ADAMTS3: variants seen among roughly 807,000 people sequenced by gnomAD.
ADAMTS3 encodes ADAM metallopeptidase with thrombospondin type 1 motif 3.
ADAMTS3 carries 73 observed loss-of-function variants against 129.0 expected under a neutral mutation model. The ratio of observed to expected loss-of-function variants is 0.57; its 90% CI spans 0.47 to 0.69. The LOEUF (loss-of-function observed/expected upper bound fraction) is 0.69, where lower values mean the gene tolerates loss of function less well. ADAMTS3 is among the 30% of genes least tolerant of loss of function. The probability of loss-of-function intolerance (pLI) is 0.00; values close to 1 mark genes in which losing one functional copy is unlikely to be tolerated. For missense variants in ADAMTS3, 1,457 were observed against 1,514.5 expected (o/e 0.96, Z 0.63); for synonymous variants, 477 against 510.8 (o/e 0.93, Z 0.89).
intron 3 of ADAMTS3, among the ~76,000 whole-genome samples, chr4:72,526,690 A>C (rs1342365605): frequency 6.9e-6 from 1 of 144,216 alleles, no homozygotes; most frequent in Non-Finnish European, 1.5e-5. Context: ...ATATCTTTGT[A>C]TACACTACAC....
chr4:72,534,427 C>A (rs1482550006), intron 3 of ADAMTS3, among the ~76,000 whole-genome samples: 1 of 151,938 alleles, frequency 6.6e-6, no homozygotes, highest in African/African-American at 2.4e-5. Context: ...TCTTAAGGGA[C>A]CAGTGGAAGC....
rs201628279 is a variant in ADAMTS3, at chr4:72,323,102, C to G, written c.862-5G>C. On this transcript the variant is annotated splice_region_variant and splice_polypyrimidine_tract_variant and intron_variant, in intron 5 of 21. Coordinates refer to ENST00000286657, the MANE Select transcript of ADAMTS3 (RefSeq NM_014243.3). ...ATCATGGTAAATTTCATTCACCTAGCAACAAAAAAAGATAATTGCTAAAAG... is the reference window on the plus strand; with the variant it reads ...ATCATGGTAAATTTCATTCACCTAGGAACAAAAAAAGATAATTGCTAAAAG... The G allele has an allele frequency of 1.9e-6, 3 of 1,608,714 alleles. No individual in the cohort carries two copies. The highest frequency in any genetic ancestry group is 2.6e-6 in the Non-Finnish European group (3 of 1,176,096).
At chr4:72,562,676 AT>A (rs1411923450) in intron 2 of ADAMTS3, among the ~76,000 whole-genome samples, 1 of 152,180 alleles carries the variant, frequency 6.6e-6, no homozygotes, top group Non-Finnish European at 1.5e-5. Context: ...ATTTTCAAAA[AT>A]CTTAAGAATC....
intron 3 of ADAMTS3, among the ~76,000 whole-genome samples, chr4:72,494,402 C>T (rs760288270): frequency 5.3e-5 from 8 of 152,064 alleles, no homozygotes; most frequent in Non-Finnish European, 1.2e-4. Flanking sequence ...TTCTTCAGCT[C>T]CAGAATTTCT....
rs369674241 is a variant in ADAMTS3, at chr4:72,290,837, C to T, written c.2931+18G>A. 1.6e-4 allele frequency: 256 copies of T among 1,611,430 alleles called. No individual in the cohort carries two copies. Among genetic ancestry groups the T allele is most frequent in the South Asian group, 2.3e-4 (21 of 91,004 alleles). ...CACACACACTTTACTTATGCATGCACGGAATTCACACACCTACCTCACTCC... is the reference window on the plus strand; with the variant it reads ...CACACACACTTTACTTATGCATGCATGGAATTCACACACCTACCTCACTCC... On this transcript the variant is annotated intron_variant, in intron 20 of 21. Transcript: ENST00000286657.
chr4:72,441,586 T>C (rs1040694937), intron 3 of ADAMTS3: 1 of 151,792 alleles, frequency 6.6e-6, no homozygotes, highest in Non-Finnish European at 1.5e-5. Flanking sequence ...TGTGTCCTAC[T>C]GAAGAAATCT....
chr4:72,312,611 C>T (rs1302259402), intron 12 of ADAMTS3, 145 bp from the exon 13 acceptor site: 5 of 663,890 alleles, frequency 7.5e-6, no homozygotes, highest in African/African-American at 1.8e-5. Context: ...ATTTCAGTCC[C>T]TTTCCAAAGC....
intron 4 of ADAMTS3, among the ~76,000 whole-genome samples, chr4:72,378,413 G>T (rs946359852): frequency 6.6e-6 from 1 of 152,144 alleles, no homozygotes; most frequent in Admixed American, 6.6e-5. Context: ...GTTTATAACA[G>T]AAACTATTTA....
intron 2 of ADAMTS3, among the ~76,000 whole-genome samples, chr4:72,549,949 GTA>G (rs1491541628): frequency 2.5e-5 from 1 of 39,386 alleles, no homozygotes; most frequent in Non-Finnish European, 4.9e-5. Flanking sequence ...GGCAACAAGG[GTA>G]AAAAAAAAAA....
chr4:72,394,638 G>A (rs745893754), intron 4 of ADAMTS3, among the ~76,000 whole-genome samples: 36 of 152,162 alleles, frequency 2.4e-4, no homozygotes, highest in Non-Finnish European at 4.4e-4. Flanking sequence ...TCTACCGATT[G>A]AGGGGGGTGA....
At chr4:72,337,912 C>T (rs1720030489) in intron 5 of ADAMTS3, among the ~76,000 whole-genome samples, 1 of 152,054 alleles carries the variant, frequency 6.6e-6, no homozygotes, top group Admixed American at 6.5e-5. Flanking sequence ...TTATTAGGCA[C>T]ATTTGCAAGC....
chr4:72,369,603 G>A (rs1281146859), intron 4 of ADAMTS3, among the ~76,000 whole-genome samples: 1 of 151,800 alleles, frequency 6.6e-6, no homozygotes, highest in African/African-American at 2.4e-5. Context: ...CCCAGCTACT[G>A]GGGAGGCTGA....
intron 5 of ADAMTS3, among the ~76,000 whole-genome samples, chr4:72,336,797 G>A (rs1009905921): frequency 2.0e-5 from 3 of 152,006 alleles, no homozygotes; most frequent in African/African-American, 7.2e-5. Flanking sequence ...GCTGTAGGAT[G>A]CTGAGCAGCA....
chr4:72,309,306 A>G lies in ADAMTS3; in HGVS notation c.2179+91T>C, dbSNP rs530313433. ...CAGCAGCTAAATTTTGATTATGTTT[A>G]TAGAGAAAATGCTGCATTTCTAAAG... On this transcript the variant is annotated intron_variant, in intron 15 of 21. Coordinates refer to ENST00000286657, the MANE Select transcript of ADAMTS3 (RefSeq NM_014243.3). The G allele has an allele frequency of 9.2e-4, 1,220 of 1,325,128 alleles. 1 individual carries two copies. Among genetic ancestry groups the G allele is most frequent in the Non-Finnish European group, 1.2e-3 (1,103 of 943,022 alleles). The allele number at this position is 1,325,128 out of a possible 1,614,324, so 82.1% of individuals were successfully genotyped here.
chr4:72,395,647 T>G (rs1162733904), intron 4 of ADAMTS3, among the ~76,000 whole-genome samples: 1 of 152,102 alleles, frequency 6.6e-6, no homozygotes, highest in Non-Finnish European at 1.5e-5. Flanking sequence ...AAAGCAGCAA[T>G]CTCCAAAGCA....
At chr4:72,298,209 A>C in intron 18 of ADAMTS3, 68 bp downstream of exon 18, 2 of 1,352,458 alleles carry the variant, frequency 1.5e-6, no homozygotes, top group Non-Finnish European at 2.0e-6. Flanking sequence ...AGACAGCAAT[A>C]AAGGTAGAAG....
chr4:72,546,965 A>G (rs1240373086), intron 3 of ADAMTS3, among the ~76,000 whole-genome samples: 1 of 152,184 alleles, frequency 6.6e-6, no homozygotes, highest in African/African-American at 2.4e-5. Context: ...CACCAGAAGC[A>G]CGTCTTTAGT....
intron 3 of ADAMTS3, among the ~76,000 whole-genome samples, chr4:72,452,666 A>G (rs984291738): frequency 1.4e-4 from 21 of 151,904 alleles, no homozygotes; most frequent in African/African-American, 4.6e-4. Flanking sequence ...CATAATACAC[A>G]GGCAGTCTTG....
chr4:72,495,763 A>G (rs542664139), intron 3 of ADAMTS3, among the ~76,000 whole-genome samples: 4 of 152,176 alleles, frequency 2.6e-5, no homozygotes, highest in Non-Finnish European at 5.9e-5. Flanking sequence ...CCAGATCTTT[A>G]GAACATTACA....
Sources: allele counts gnomAD v4.1 joint callset (sites outside exome capture counted in the v4.1 genomes callset), GRCh38; gene constraint gnomAD v4.1.1; transcripts MANE v1.5; gene names NCBI Gene and HGNC (gene_info 2026-07-23, HGNC 2026-07-21).